Variants in GLI2 observed in about 807,000 individuals in gnomAD.
GLI2 encodes the protein transcription activator GLI2.
A neutral mutation model predicts 78.9 loss-of-function variants in GLI2; 22 were observed. The observed-to-expected ratio is 0.28, with a 90% CI of 0.20 to 0.40. The LOEUF is 0.40. Ranked by LOEUF, GLI2 falls within the 10% of genes least tolerant of loss-of-function variation. The pLI, the probability that GLI2 is intolerant of heterozygous loss-of-function variation, is 1.00. For missense variants in GLI2, 2,097 were observed against 2,213.2 expected (o/e 0.95, Z 1.05); for synonymous variants, 974 against 963.7 (o/e 1.01, Z -0.20).
chr2:120,972,792 C>A, intron 8 of GLI2: 1 of 465,938 alleles, frequency 2.1e-6, no homozygotes, highest in South Asian at 1.5e-5. Context: ...CGGAGCAGCC[C>A]ACAGCCCAGT....
intron 2 of GLI2, among the ~76,000 whole-genome samples, chr2:120,842,594 T>C (rs974566999): frequency 2.0e-5 from 3 of 152,234 alleles, no homozygotes; most frequent in Non-Finnish European, 4.4e-5. Context: ...GGATGCAGGA[T>C]GTAGCTTACA....
chr2:120,806,058 G>C lies in GLI2; in HGVS notation c.148+8590G>C, dbSNP rs146176893. 6.6e-5 allele frequency among the ~76,000 whole-genome samples: 10 copies of C among 152,284 alleles called. No individual in the cohort carries two copies. In the East Asian group the frequency reaches 1.7e-3, roughly 26 times the overall value. ...ATAACCTATTTACAACTCAGTATGC[G>C]CCGGAGGGAGAATGGATGGGCCCCT... On this transcript the variant is annotated intron_variant, in intron 2 of 13. Coordinates refer to ENST00000361492, the MANE Select transcript of GLI2 (RefSeq NM_001374353.1).
At chr2:120,762,834 C>A (rs886460822) in intron 1 of GLI2, among the ~76,000 whole-genome samples, 2 of 152,194 alleles carry the variant, frequency 1.3e-5, no homozygotes, top group Admixed American at 6.5e-5. Flanking sequence ...TAAGGAGACA[C>A]CTGAGGGCCC....
At chr2:120,941,540 G>A (rs541803346) in intron 3 of GLI2, among the ~76,000 whole-genome samples, 4 of 152,322 alleles carry the variant, frequency 2.6e-5, no homozygotes, top group East Asian at 1.9e-4. Flanking sequence ...ACACATGCAC[G>A]CCCTGTCCTG....
At chr2:120,874,955 G>A (rs889944387) in intron 2 of GLI2, among the ~76,000 whole-genome samples, 9 of 152,178 alleles carry the variant, frequency 5.9e-5, no homozygotes, top group East Asian at 1.9e-4. Flanking sequence ...AGCAAACTAG[G>A]TTAGGGTCCT....
At chr2:120,886,448 G>A (rs1677418892) in intron 2 of GLI2, among the ~76,000 whole-genome samples, 2 of 151,968 alleles carry the variant, frequency 1.3e-5, no homozygotes, top group African/African-American at 4.8e-5. Context: ...TAAATTTTTT[G>A]TAGAGAAGAG....
chr2:120,818,105 G>A (rs1402286716), intron 2 of GLI2, among the ~76,000 whole-genome samples: 2 of 152,184 alleles, frequency 1.3e-5, no homozygotes, highest in African/African-American at 2.4e-5. Flanking sequence ...GCCTGCATCT[G>A]GTTGAGGTTC....
rs527312735 is a variant in GLI2 at position 120,771,292 on chromosome 2, T to C, written c.-30-25999T>C. ...CACGTGCCGCTTGGGTTCAGCACTC[T>C]TCTGGGCCCAAGGAATGAGAGCTAT... is the stretch of plus-strand genomic sequence containing the variant. On this transcript the variant is annotated intron_variant, in intron 1 of 13. Transcript: ENST00000361492. 8.0e-4 allele frequency among the ~76,000 whole-genome samples: 121 copies of C among 152,198 alleles called. 1 individual carries two copies. The highest frequency in any genetic ancestry group is 1.4e-3 in the Admixed American group (21 of 15,282).
At position 120,989,100 on chromosome 2, in the gene GLI2, T is replaced by G. The variant is rs1350842390; in HGVS notation, c.3135T>G (p.Leu1045=). ...GGCTGCCGGAGGACGACCTGGTGCT[T>G]CCAGACGACGTGGTGCAGTACATCA... ...DLGLPEDDLV[L]PDDVVQYIKA... Residue 1045 remains leucine (L), a synonymous_variant, in exon 14 of 14, where the codon CTT becomes CTG. Transcript: ENST00000361492. 18 of 1,612,468 alleles carry G rather than the reference T, an allele frequency of 1.1e-5. No individual in the cohort carries two copies. The highest frequency in any genetic ancestry group is 1.5e-5 in the Non-Finnish European group (18 of 1,179,902).
chr2:120,896,535 G>A (rs1677953697), intron 2 of GLI2, among the ~76,000 whole-genome samples: 1 of 152,062 alleles, frequency 6.6e-6, no homozygotes, highest in African/African-American at 2.4e-5. Flanking sequence ...CTGGTGTGGT[G>A]GTAACAGCAG....
intron 2 of GLI2, among the ~76,000 whole-genome samples, chr2:120,864,162 C>T (rs773952639): frequency 6.6e-6 from 1 of 152,152 alleles, no homozygotes; most frequent in Non-Finnish European, 1.5e-5. Flanking sequence ...GGTAGGATGC[C>T]ATGGTCTTCC....
At chr2:120,853,031 C>T (rs1687483526) in intron 2 of GLI2, among the ~76,000 whole-genome samples, 1 of 152,230 alleles carries the variant, frequency 6.6e-6, no homozygotes, top group Non-Finnish European at 1.5e-5. Context: ...CCCAAATCCC[C>T]TACCCTCTCT....
chr2:120,817,961 A>T (rs1294059085), intron 2 of GLI2, among the ~76,000 whole-genome samples: 2 of 152,164 alleles, frequency 1.3e-5, no homozygotes, highest in African/African-American at 2.4e-5. Context: ...GCCATTACAC[A>T]TGAGGCCCAG....
At chr2:120,742,226 C>A (rs1463359316) in intron 1 of GLI2, among the ~76,000 whole-genome samples, 1 of 152,186 alleles carries the variant, frequency 6.6e-6, no homozygotes, top group Non-Finnish European at 1.5e-5. Flanking sequence ...AAAGGAAGGG[C>A]GGTCCTCTCT....
At chr2:120,781,098 A>G (rs1683833739) in intron 1 of GLI2, among the ~76,000 whole-genome samples, 2 of 152,286 alleles carry the variant, frequency 1.3e-5, no homozygotes, top group South Asian at 4.1e-4. Flanking sequence ...ATAAAAGGAG[A>G]CACAAGCTGT....
At chr2:120,792,879 C>T (rs1684214952) in intron 1 of GLI2, among the ~76,000 whole-genome samples, 1 of 152,198 alleles carries the variant, frequency 6.6e-6, no homozygotes, top group Non-Finnish European at 1.5e-5. Flanking sequence ...CCTCGGCCTC[C>T]CAAAGTGCTG....
intron 12 of GLI2, among the ~76,000 whole-genome samples, chr2:120,985,690 C>T (rs573637995): frequency 6.0e-4 from 92 of 152,262 alleles, no homozygotes; most frequent in Non-Finnish European, 8.7e-4. Context: ...GGATGTCGTC[C>T]GAGTGGATGT....
chr2:120,946,864 T>C (rs1406242088), intron 3 of GLI2, among the ~76,000 whole-genome samples: 1 of 152,242 alleles, frequency 6.6e-6, no homozygotes, highest in Non-Finnish European at 1.5e-5. Context: ...GGAAGCGCCC[T>C]CAGGCCCCAC....
intron 2 of GLI2, among the ~76,000 whole-genome samples, chr2:120,900,668 GTCT>G (rs1380427651): frequency 8.5e-5 from 13 of 152,212 alleles, no homozygotes; most frequent in African/African-American, 3.1e-4. Flanking sequence ...ATTATTTGCT[GTCT>G]TCTTCTGTCT....
Sources: allele counts gnomAD v4.1 joint callset (sites outside exome capture counted in the v4.1 genomes callset), GRCh38; gene constraint gnomAD v4.1.1; transcripts MANE v1.5; gene names NCBI Gene and HGNC (gene_info 2026-07-23, HGNC 2026-07-21).